Variants in MRPS28 observed in about 807,000 individuals in gnomAD.
MRPS28 encodes small ribosomal subunit protein bS1m.
A neutral mutation model predicts 10.8 loss-of-function variants in MRPS28; 7 were observed. The observed-to-expected ratio is 0.65, with a 90% CI of 0.37 to 1.22. The LOEUF is 1.22. Among genes scored for constraint, MRPS28 ranks in the 50% most tolerant of loss-of-function variants. The pLI, the probability that MRPS28 is intolerant of heterozygous loss-of-function variation, is 0.02. For missense variants in MRPS28, 265 were observed against 232.9 expected, an observed-to-expected ratio of 1.14 and a Z score of -0.90; for synonymous variants, 121 against 93.3, an observed-to-expected ratio of 1.30 and a Z score of -1.71.
intron 2 of MRPS28, among the ~76,000 whole-genome samples, chr8:79,921,841 G>C (rs1213901006): frequency 6.6e-6 from 1 of 152,190 alleles, no homozygotes; most frequent in East Asian, 1.9e-4. Context: ...TGGTGAGAGA[G>C]GGCATCCCTG....
chr8:79,957,636 T>C (rs572034550), intron 2 of MRPS28, among the ~76,000 whole-genome samples: 2 of 151,650 alleles, frequency 1.3e-5, no homozygotes, highest in South Asian at 2.1e-4. Context: ...AGGGGATCAC[T>C]TGAGCCAAGA....
At chr8:79,924,240 T>A (rs1253396237) in intron 2 of MRPS28, among the ~76,000 whole-genome samples, 1 of 152,372 alleles carries the variant, frequency 6.6e-6, no homozygotes, top group African/African-American at 2.4e-5. Context: ...CATTCAGATA[T>A]TTTTCTGGCT....
chr8:79,923,380 C>CT (rs1236661699), intron 2 of MRPS28, among the ~76,000 whole-genome samples: 2 of 152,010 alleles, frequency 1.3e-5, no homozygotes, highest in African/African-American at 4.8e-5. Context: ...ATTTATCACT[C>CT]CATAGAGTCT....
intron 2 of MRPS28, among the ~76,000 whole-genome samples, chr8:79,976,981 C>T (rs1469038750): frequency 1.3e-5 from 2 of 151,898 alleles, no homozygotes; most frequent in African/African-American, 2.4e-5. Flanking sequence ...CAGACTGTGT[C>T]ATTTGTAAGA....
chr8:79,935,456 T>C (rs151295759), intron 2 of MRPS28, among the ~76,000 whole-genome samples: 24 of 152,354 alleles, frequency 1.6e-4, no homozygotes, highest in South Asian at 8.3e-4. Flanking sequence ...TGTTTGTTTG[T>C]TTAACACAAC....
intron 2 of MRPS28, among the ~76,000 whole-genome samples, chr8:79,999,812 A>T (rs1300247410): frequency 1.3e-5 from 2 of 152,192 alleles, no homozygotes; most frequent in Non-Finnish European, 2.9e-5. Flanking sequence ...AGGACCAAAG[A>T]GGAAGCTGAA....
intron 1 of MRPS28, among the ~76,000 whole-genome samples, chr8:80,029,062 CACA>C (rs1353068553): frequency 6.6e-6 from 1 of 152,202 alleles, no homozygotes; most frequent in Non-Finnish European, 1.5e-5. Flanking sequence ...CGGAAAAGAA[CACA>C]ACTTCACCAA....
intron 2 of MRPS28, chr8:79,958,365 A>G: frequency 1.4e-6 from 1 of 698,900 alleles, no homozygotes; most frequent in Non-Finnish European, 2.6e-6. Flanking sequence ...CCAAAGTCAG[A>G]GTTGGAAGAA....
intron 1 of MRPS28, among the ~76,000 whole-genome samples, chr8:80,020,172 G>A (rs1294596800): frequency 1.3e-5 from 2 of 152,200 alleles, no homozygotes; most frequent in African/African-American, 2.4e-5. Context: ...GAATGTCTGC[G>A]TGACCATAAG....
Position 79,998,054 on chromosome 8 carries a change from C to CAA in MRPS28, c.395+4943_395+4944dup, listed in dbSNP as rs35716562. On this transcript the variant is annotated intron_variant, in intron 2 of 2. Coordinates refer to ENST00000276585, the MANE Select transcript of MRPS28 (RefSeq NM_014018.3). ...TGGGTGACAGAACAAGACTCTGTCTCAAAAAAAAAAAAAAGAAAGAAAGAA... is the reference window on the plus strand; with the variant it reads ...TGGGTGACAGAACAAGACTCTGTCTCAAAAAAAAAAAAAAAAGAAAGAAAGAA... Among the ~76,000 whole-genome samples, 749 of 131,002 alleles carry CAA rather than the reference C, an allele frequency of 5.7e-3. 2 individuals carry two copies. The highest frequency in any genetic ancestry group is 0.017 in the African/African-American group (544 of 32,768). 85.9% of individuals were successfully genotyped at this position (131,002 alleles called of 152,430 possible). A position where few individuals can be genotyped will look rare whatever the true frequency, so the allele number is the denominator to read the frequency against.
chr8:80,028,418 G>A (rs71516975), intron 1 of MRPS28, among the ~76,000 whole-genome samples: 11 of 151,704 alleles, frequency 7.3e-5, no homozygotes, highest in Non-Finnish European at 1.3e-4. Flanking sequence ...GTCAATCATC[G>A]CTATTCTGCT....
At chr8:80,003,596 A>T (rs1469245254) in intron 1 of MRPS28, among the ~76,000 whole-genome samples, 2 of 152,186 alleles carry the variant, frequency 1.3e-5, no homozygotes, top group Non-Finnish European at 2.9e-5. Flanking sequence ...TGATTTCTGC[A>T]TTTCCAACTG....
chr8:80,020,685 G>A (rs1339713491), intron 1 of MRPS28, among the ~76,000 whole-genome samples: 1 of 152,146 alleles, frequency 6.6e-6, no homozygotes, highest in East Asian at 1.9e-4. Flanking sequence ...AGACCAGAAG[G>A]GAAGCAGTGT....
chr8:80,022,992 A>T (rs1809407779), intron 1 of MRPS28, among the ~76,000 whole-genome samples: 1 of 152,258 alleles, frequency 6.6e-6, no homozygotes, highest in Middle Eastern at 3.2e-3. Context: ...AGAAATGTAT[A>T]GTACTGCTTA....
chr8:79,928,678 T>C (rs563308028), intron 2 of MRPS28, among the ~76,000 whole-genome samples: 108 of 151,678 alleles, frequency 7.1e-4, no homozygotes, highest in Non-Finnish European at 1.3e-3. Context: ...TGGCCTCAAG[T>C]GATCCATCTG....
intron 2 of MRPS28, among the ~76,000 whole-genome samples, chr8:79,931,118 C>G (rs1004636672): frequency 6.6e-6 from 1 of 152,090 alleles, no homozygotes; most frequent in Non-Finnish European, 1.5e-5. Flanking sequence ...CTGAATAATT[C>G]TTATGCCTTT....
At chr8:79,945,901 T>G (rs1337390507) in intron 2 of MRPS28, among the ~76,000 whole-genome samples, 1 of 152,200 alleles carries the variant, frequency 6.6e-6, no homozygotes, top group African/African-American at 2.4e-5. Context: ...AATACTATTT[T>G]AAGTTGTTAT....
intron 1 of MRPS28, among the ~76,000 whole-genome samples, chr8:80,010,442 G>A (rs1380205674): frequency 6.6e-6 from 1 of 152,200 alleles, no homozygotes. Context: ...CTACTTGAAA[G>A]ATTATAAACT....
At chr8:79,974,067 A>G (rs977461226) in intron 2 of MRPS28, among the ~76,000 whole-genome samples, 7 of 152,008 alleles carry the variant, frequency 4.6e-5, no homozygotes, top group Non-Finnish European at 1.0e-4. Flanking sequence ...TTTTTATCAC[A>G]TTTTCAGCAC....
Sources: allele counts gnomAD v4.1 joint callset (sites outside exome capture counted in the v4.1 genomes callset), GRCh38; gene constraint gnomAD v4.1.1; transcripts MANE v1.5; gene names NCBI Gene and HGNC (gene_info 2026-07-23, HGNC 2026-07-21).